Variants in CDK19 observed in about 807,000 individuals in gnomAD.
The protein encoded by CDK19 is cyclin dependent kinase 19.
A neutral mutation model predicts 68.3 loss-of-function variants in CDK19; 20 were observed. That is an observed-to-expected ratio of 0.29 (90% CI 0.21 to 0.43). The LOEUF is 0.43. CDK19 is among the 20% of genes least tolerant of loss of function. CDK19 has a pLI of 1.00. For synonymous variants in CDK19, 221 were observed against 222.8 expected (o/e 0.99, Z 0.07); for missense variants, 339 against 623.5 (o/e 0.54, Z 4.86).
chr6:110,815,822 G>A (rs1340425522), upstream of CDK19: 8 of 152,528 alleles, frequency 5.2e-5, no homozygotes, highest in East Asian at 1.9e-4. Flanking sequence ...CTGAAGGGTT[G>A]GCTGCAGTGA....
At chr6:110,642,862 G>A (rs1780295831) in intron 4 of CDK19, among the ~76,000 whole-genome samples, 1 of 151,930 alleles carries the variant, frequency 6.6e-6, no homozygotes, top group African/African-American at 2.4e-5. Flanking sequence ...GGAAGAGGGA[G>A]AGAGACAGCA....
chr6:110,753,440 G>A (rs901246998), intron 1 of CDK19, among the ~76,000 whole-genome samples: 2 of 151,556 alleles, frequency 1.3e-5, no homozygotes, highest in African/African-American at 2.4e-5. Flanking sequence ...TTGGAGTGCA[G>A]TAGCGCGATC....
chr6:110,651,206 A>G (rs746784760), intron 4 of CDK19, among the ~76,000 whole-genome samples: 3 of 151,748 alleles, frequency 2.0e-5, no homozygotes, highest in Non-Finnish European at 4.4e-5. Flanking sequence ...TCTTATCCAT[A>G]ATTTTTAAAT....
chr6:110,771,372 TC>T (rs1302833739), intron 1 of CDK19, among the ~76,000 whole-genome samples: 7 of 152,304 alleles, frequency 4.6e-5, no homozygotes, highest in African/African-American at 1.7e-4. Context: ...GCTTGGGGCT[TC>T]CACCCTCTGA....
At chr6:110,638,445 C>T (rs895979906) in intron 5 of CDK19, among the ~76,000 whole-genome samples, 8 of 152,052 alleles carry the variant, frequency 5.3e-5, no homozygotes, top group African/African-American at 1.9e-4. Context: ...CCAGTGATGC[C>T]TCAACTTAGA....
chr6:110,696,364 A>G (rs1326704815), intron 2 of CDK19, among the ~76,000 whole-genome samples: 1 of 152,252 alleles, frequency 6.6e-6, no homozygotes, highest in East Asian at 1.9e-4. Flanking sequence ...AATAAAAGGC[A>G]TCTATGACAA....
At chr6:110,655,970 T>A (rs1450351070) in intron 4 of CDK19, among the ~76,000 whole-genome samples, 3 of 152,146 alleles carry the variant, frequency 2.0e-5, no homozygotes, top group African/African-American at 7.2e-5. Context: ...TAATATAAAG[T>A]GCTTGTACTT....
rs1554192006 is a variant in CDK19, at chr6:110,621,375, T to G, written c.1111-5A>C. ...GTTCTGCTGCTGTTGCTGATTCTTT[T>G]AAGGGGAAAAAAGCAAGCTTGGTAT... On this transcript the variant is annotated splice_region_variant and splice_polypyrimidine_tract_variant and intron_variant, in intron 11 of 12. Transcript: ENST00000368911. This position sits in a 1 kb window ranked among gnomAD's most constrained non-coding sequence, Gnocchi z 5.4. 1 of 1,530,024 alleles carries G rather than the reference T, an allele frequency of 6.5e-7. No individual in the cohort carries two copies. The highest frequency in any genetic ancestry group is 8.8e-7 in the Non-Finnish European group (1 of 1,141,226). The allele number at this position is 1,530,024 out of a possible 1,614,324, so 94.8% of individuals were successfully genotyped here. A position where few individuals can be genotyped will look rare whatever the true frequency, so the allele number is the denominator to read the frequency against.
intron 5 of CDK19, among the ~76,000 whole-genome samples, chr6:110,635,856 A>C (rs567412667): frequency 9.8e-5 from 15 of 152,298 alleles, no homozygotes; most frequent in African/African-American, 3.4e-4. Context: ...TTTTCTTTTA[A>C]GCAAAAAACA....
intron 2 of CDK19, among the ~76,000 whole-genome samples, chr6:110,686,071 A>G (rs1772448786): frequency 6.6e-6 from 1 of 152,184 alleles, no homozygotes; most frequent in Non-Finnish European, 1.5e-5. Flanking sequence ...CCCAGCAGAT[A>G]GCAATGGGAA....
chr6:110,704,649 T>C (rs1023705739), intron 2 of CDK19, among the ~76,000 whole-genome samples: 17 of 152,252 alleles, frequency 1.1e-4, no homozygotes, highest in Non-Finnish European at 2.1e-4. Context: ...TCATTCCATG[T>C]TATGAATGCA....
chr6:110,675,564 T>C lies in CDK19; in HGVS notation c.205-5023A>G, dbSNP rs373495942. ...ATCACTTGAACCTGGGAGGCGGAAG[T>C]TGTGGTGAGCCAAGATCGTGCCATT... On this transcript the variant is annotated intron_variant, in intron 2 of 12. Coordinates refer to ENST00000368911, the MANE Select transcript of CDK19 (RefSeq NM_015076.5). Among the ~76,000 whole-genome samples the C allele has an allele frequency of 1.5e-3, 218 of 148,858 alleles. 2 individuals are homozygous for C. In the South Asian group the frequency reaches 0.019, roughly 13 times the overall value.
intron 2 of CDK19, among the ~76,000 whole-genome samples, chr6:110,735,857 A>C (rs1410338799): frequency 2.6e-5 from 4 of 152,210 alleles, no homozygotes. Flanking sequence ...CCTTGGAAAG[A>C]AGTGCTTCGC....
intron 2 of CDK19, among the ~76,000 whole-genome samples, chr6:110,720,867 C>CAAA (rs60184209): frequency 5.4e-5 from 5 of 92,600 alleles, no homozygotes; most frequent in Non-Finnish European, 6.8e-5. Context: ...GACTCTGTCT[C>CAAA]AAAAAAAAAA....
chr6:110,617,169 G>A (rs1035360260), intron 12 of CDK19, among the ~76,000 whole-genome samples: 1 of 152,096 alleles, frequency 6.6e-6, no homozygotes, highest in African/African-American at 2.4e-5. Flanking sequence ...GCAAGCCATA[G>A]AAACCAGAAC....
intron 1 of CDK19, among the ~76,000 whole-genome samples, chr6:110,799,998 C>T (rs937997760): frequency 1.3e-5 from 2 of 152,134 alleles, no homozygotes; most frequent in African/African-American, 2.4e-5. Flanking sequence ...TCCTTCTCCA[C>T]GAGTCTCAAC....
chr6:110,735,349 TATA>T (rs1171859535), intron 2 of CDK19, among the ~76,000 whole-genome samples: 1 of 152,180 alleles, frequency 6.6e-6, no homozygotes, highest in Admixed American at 6.5e-5. Flanking sequence ...ACCACTCCCT[TATA>T]ATGTTACTAA....
intron 12 of CDK19, among the ~76,000 whole-genome samples, chr6:110,616,951 C>A (rs913505091): frequency 2.0e-5 from 3 of 152,014 alleles, no homozygotes; most frequent in African/African-American, 4.8e-5. Context: ...CTTTTCAAAG[C>A]GCTAATTGTA....
chr6:110,623,408 A>G (rs771404989), intron 8 of CDK19, 46 bp from the exon 9 acceptor site: 4 of 1,587,228 alleles, frequency 2.5e-6, no homozygotes, highest in Non-Finnish European at 2.6e-6. Context: ...CACTCATCCA[A>G]TTGATATTTC....
Sources: gnomAD v4.1 joint callset for allele counts (sites outside exome capture counted in the v4.1 genomes callset) on GRCh38, gnomAD v4.1.1 for gene constraint, Gnocchi (gnomAD v3.1) non-coding constraint, MANE v1.5 for transcripts, NCBI Gene and HGNC (gene_info 2026-07-23, HGNC 2026-07-21) for gene names.